The following RARS2 variants were observed in gnomAD, a reference collection of about 807,000 sequenced individuals.
RARS2 encodes probable arginine--tRNA ligase, mitochondrial.
A neutral mutation model predicts 88.5 loss-of-function variants in RARS2; 67 were observed. That is an observed-to-expected ratio of 0.76 (90% confidence interval 0.62 to 0.93). The LOEUF (loss-of-function observed/expected upper bound fraction) is 0.93. Ranked by LOEUF, RARS2 falls within the 40% of genes least tolerant of loss-of-function variation. RARS2 has a pLI of 0.00. For synonymous variants in RARS2, 239 were observed against 230.3 expected (o/e 1.04, Z -0.34); for missense variants, 664 against 684.2 (o/e 0.97, Z 0.33).
chr6:87,549,501 C>T (rs756468730), intron 5 of RARS2, among the ~76,000 whole-genome samples: 5 of 151,286 alleles, frequency 3.3e-5, no homozygotes, highest in South Asian at 2.1e-4. Context: ...CAGTGAACTA[C>T]GATGACTGCA....
At chr6:87,539,456 G>T (rs1780217152) in intron 8 of RARS2, among the ~76,000 whole-genome samples, 1 of 152,198 alleles carries the variant, frequency 6.6e-6, no homozygotes, top group Non-Finnish European at 1.5e-5. Flanking sequence ...ATCTGCCTTG[G>T]CATGCTTACA....
intron 1 of RARS2, among the ~76,000 whole-genome samples, chr6:87,585,256 T>C (rs191296121): frequency 7.9e-5 from 12 of 152,342 alleles, no homozygotes; most frequent in Admixed American, 4.6e-4. Flanking sequence ...TCGGGCACTT[T>C]GCTGGTGCTG....
At chr6:87,536,629 C>T (rs1779266152) in intron 8 of RARS2, among the ~76,000 whole-genome samples, 1 of 149,132 alleles carries the variant, frequency 6.7e-6, no homozygotes, top group Non-Finnish European at 1.5e-5. Flanking sequence ...AGGGCAAGAC[C>T]CCATCACGAA....
At chr6:87,518,073 C>T in intron 17 of RARS2, 96 bp downstream of exon 17, 1 of 1,608,142 alleles carries the variant, frequency 6.2e-7, no homozygotes, top group South Asian at 1.1e-5. Context: ...AGGCAGAAGG[C>T]AGCTACTGGA....
intron 16 of RARS2, 67 bp from the exon 17 acceptor site, chr6:87,518,331 A>C: frequency 1.2e-6 from 2 of 1,610,562 alleles, no homozygotes; most frequent in Non-Finnish European, 1.7e-6. Context: ...CAGAGCTGCA[A>C]GTGATGAACA....
At position 87,514,494 on chromosome 6, in the gene RARS2, T is replaced by G. The variant is rs745972510; in HGVS notation, c.1656A>C (p.Arg552Ser). ...KDSPPEVAGARLHLFKAVRSV... is the reference protein window; with the variant it reads ...KDSPPEVAGASLHLFKAVRSV... ...AACGGACAGCTTTGAAAAGATGAAG[T>G]CTGGCCTACAAAATAAATCAAAGAA... Residue 552 changes from arginine to serine, a missense_variant, in exon 20 of 20, where the codon AGA (arginine) becomes AGC (serine). Coordinates refer to ENST00000369536, the MANE Select transcript of RARS2 (RefSeq NM_020320.5). 1 of 1,609,676 alleles carries G rather than the reference T, an allele frequency of 6.2e-7. No individual in the cohort carries two copies. The highest frequency in any genetic ancestry group is 1.3e-5 in the African/African-American group (1 of 74,908).
At chr6:87,571,882 T>G (rs1769860457) in intron 1 of RARS2, among the ~76,000 whole-genome samples, 1 of 152,172 alleles carries the variant, frequency 6.6e-6, no homozygotes, top group South Asian at 2.1e-4. Context: ...TTTTTTAAAG[T>G]TTCCTCTCAG....
At chr6:87,533,198 T>C (rs1217883503) in intron 8 of RARS2, among the ~76,000 whole-genome samples, 2 of 152,144 alleles carry the variant, frequency 1.3e-5, no homozygotes, top group Non-Finnish European at 1.5e-5. Flanking sequence ...AAATCTATTA[T>C]GCATTATGAT....
chr6:87,561,552 C>T (rs1787866376), intron 4 of RARS2, among the ~76,000 whole-genome samples: 1 of 152,188 alleles, frequency 6.6e-6, no homozygotes, highest in Admixed American at 6.5e-5. Flanking sequence ...AATTTTGCCT[C>T]AGTTTCCTCC....
intron 12 of RARS2, 39 bp from the exon 13 acceptor site, chr6:87,520,295 CAAATT>C: frequency 7.0e-7 from 1 of 1,430,786 alleles, no homozygotes; most frequent in Non-Finnish European, 9.8e-7. Flanking sequence ...AGAATACTGA[CAAATT>C]AATGTATAAA....
chr6:87,571,768 T>A (rs1312526286), intron 1 of RARS2, among the ~76,000 whole-genome samples: 4 of 152,230 alleles, frequency 2.6e-5, no homozygotes, highest in Non-Finnish European at 5.9e-5. Context: ...TTGTTGAATT[T>A]CACAAACATA....
chr6:87,524,691 A>C (rs1465389291), intron 10 of RARS2, 39 bp from the exon 11 acceptor site: 5 of 1,406,452 alleles, frequency 3.6e-6, no homozygotes, highest in African/African-American at 1.4e-5. Context: ...CAACATAATA[A>C]ATTCAGACCT....
chr6:87,557,620 C>T (rs1322721422), intron 4 of RARS2, among the ~76,000 whole-genome samples: 2 of 152,326 alleles, frequency 1.3e-5, no homozygotes, highest in African/African-American at 4.8e-5. Flanking sequence ...CCCTTTCGAT[C>T]ATCTGTCCTT....
rs1382815485 is a variant in RARS2 at position 87,576,333 on chromosome 6, G to T, written c.37-6743C>A. Among the ~76,000 whole-genome samples the T allele has an allele frequency of 2.2e-5, 2 of 91,358 alleles. 1 individual carries two copies. The highest frequency in any genetic ancestry group is 9.1e-5 in the African/African-American group (2 of 22,080). The allele number at this position is 91,358 out of a possible 152,430, so 59.9% of individuals were successfully genotyped here. A position where few individuals can be genotyped will look rare whatever the true frequency, so the allele number is the denominator to read the frequency against. On this transcript the variant is annotated intron_variant, in intron 1 of 19. Transcript: ENST00000369536. ...GCTCTGTCGCCCAGGCTGGAGTGCA[G>T]TGGCGCGATCTCGGCTCACTGCAAG...
chr6:87,517,401 G>C (rs1389997618), intron 17 of RARS2, among the ~76,000 whole-genome samples: 1 of 152,120 alleles, frequency 6.6e-6, no homozygotes, highest in Non-Finnish European at 1.5e-5. Flanking sequence ...CTATTTCCTA[G>C]ACCTAGTCCA....
chr6:87,518,383 C>A, intron 16 of RARS2, 119 bp from the exon 17 acceptor site: 1 of 1,556,816 alleles, frequency 6.4e-7, no homozygotes, highest in Non-Finnish European at 8.7e-7. Flanking sequence ...AATATCCATA[C>A]ACAGTGGAGG....
chr6:87,545,789 A>T (rs1247126317), intron 6 of RARS2, 90 bp from the exon 7 acceptor site: 1 of 1,447,604 alleles, frequency 6.9e-7, no homozygotes, highest in African/African-American at 1.4e-5. Context: ...AAACATAAGT[A>T]GAAAATTCTT....
chr6:87,586,235 C>G (rs1399397131), intron 1 of RARS2, among the ~76,000 whole-genome samples: 1 of 152,018 alleles, frequency 6.6e-6, no homozygotes, highest in African/African-American at 2.4e-5. Context: ...GAGGCAGCAG[C>G]AATAGTGTAG....
intron 1 of RARS2, among the ~76,000 whole-genome samples, chr6:87,575,225 G>GCACACACACACACACACACACACACA (rs58168335): frequency 8.7e-6 from 1 of 114,562 alleles, no homozygotes; most frequent in Non-Finnish European, 1.8e-5. Flanking sequence ...AAAATAGAAA[G>GCACACACACACACACACACACACACA]CACACACACA....
Sources: gnomAD v4.1 joint callset for allele counts (sites outside exome capture counted in the v4.1 genomes callset) on GRCh38, gnomAD v4.1.1 for gene constraint, MANE v1.5 for transcripts, NCBI Gene and HGNC (gene_info 2026-07-23, HGNC 2026-07-21) for gene names.